The following DGKA variants were observed in gnomAD, a reference collection of about 807,000 sequenced individuals.
The protein encoded by DGKA is diacylglycerol kinase alpha.
A neutral mutation model predicts 105.0 loss-of-function variants in DGKA; 35 were observed. The observed-to-expected ratio is 0.33, with a 90% confidence interval of 0.25 to 0.44. The LOEUF (loss-of-function observed/expected upper bound fraction) is 0.44, where lower values mean the gene tolerates loss of function less well. DGKA is among the 20% of genes least tolerant of loss of function. DGKA has a pLI of 1.00. For missense variants in DGKA, 665 were observed against 915.0 expected (o/e 0.73, Z 3.53); for synonymous variants, 296 against 332.0 (o/e 0.89, Z 1.18).
intron 1 of DGKA, among the ~76,000 whole-genome samples, chr12:55,935,085 GA>G (rs1884373753): frequency 6.6e-6 from 1 of 152,332 alleles, no homozygotes; most frequent in Admixed American, 6.5e-5. Flanking sequence ...ACTGCCTTAG[GA>G]AATCCAAGCT....
chr12:55,940,655 A>G lies in DGKA; in HGVS notation c.950A>G (p.His317Arg), dbSNP rs765249382. 5 of 1,596,738 alleles carry G rather than the reference A, an allele frequency of 3.1e-6. No homozygotes were observed. The highest frequency in any genetic ancestry group is 2.7e-5 in the African/African-American group (2 of 73,688). Residue 317 changes from histidine (H) to arginine (R), a missense_variant, in exon 12 of 24, where the codon CAT becomes CGT. Transcript: ENST00000331886. The surrounding 1 kb of genome is among the most constrained non-coding windows in gnomAD (Gnocchi z 4.3). ...IHDDCLQAVG[H>R]ECDCGLLRDH... Reference sequence around the variant, plus strand: ...GATGACTGCCTGCAAGCGGTGGGCCATGAGTGTGACTGTGGGCTGCTCCGG... The same window carrying G: ...GATGACTGCCTGCAAGCGGTGGGCCGTGAGTGTGACTGTGGGCTGCTCCGG...
chr12:55,946,448 C>T lies in DGKA; in HGVS notation c.1426+4185C>T, dbSNP rs754704895. On this transcript the variant is annotated intron_variant, in intron 17 of 23. Transcript: ENST00000331886. ...CTCAGCTCACTGCAACCTCTGCCTC[C>T]CAGGTTCAAGTGATTCTCCGGCCTC... Among the ~76,000 whole-genome samples, 3 of 152,254 alleles carry T rather than the reference C, an allele frequency of 2.0e-5. No individual in the cohort carries two copies. In the South Asian group the frequency reaches 6.2e-4, roughly 32 times the overall value.
At position 55,936,582 on chromosome 12, in the gene DGKA, C is replaced by T. The variant is rs568619552; in HGVS notation, c.64+15C>T. The T allele has an allele frequency of 2.7e-5, 43 of 1,614,118 alleles. 1 individual carries two copies. Among genetic ancestry groups the T allele is most frequent in the Middle Eastern group, 3.3e-4 (2 of 6,062 alleles). ...ATACATGGAATGTGAGTCTTCCTGT[C>T]AGGCCTTCAGTTCTGGAGACCCTGC... On this transcript the variant is annotated intron_variant, in intron 2 of 23. Transcript: ENST00000331886.
chr12:55,927,405 C>T (rs746210988), upstream of DGKA: 2 of 713,212 alleles, frequency 2.8e-6, no homozygotes, highest in African/African-American at 3.5e-5. Context: ...CCAGGAACTC[C>T]TCGTACGTCC....
intron 6 of DGKA, 60 bp downstream of exon 6, chr12:55,938,620 C>T: frequency 6.2e-7 from 1 of 1,611,556 alleles, no homozygotes; most frequent in Non-Finnish European, 8.5e-7. Flanking sequence ...CTGCACCCTC[C>T]TGCCCCAACT....
At position 55,934,189 on chromosome 12, in the gene DGKA, G is replaced by A. The variant is rs1380143945; in HGVS notation, c.-81-2234G>A. 3.3e-5 allele frequency among the ~76,000 whole-genome samples: 5 copies of A among 152,202 alleles called. No homozygotes were observed. The East Asian group carries it at 7.7e-4, about 23-fold the overall frequency. On this transcript the variant is annotated intron_variant, in intron 1 of 23. Coordinates refer to ENST00000331886, the MANE Select transcript of DGKA (RefSeq NM_001345.5). Reference sequence around the variant, plus strand: ...AAAAAGAGAGGCAGAGAAGAAGCCTGTCCTCTCTCCTTTGCATTGTAACTT... The same window carrying A: ...AAAAAGAGAGGCAGAGAAGAAGCCTATCCTCTCTCCTTTGCATTGTAACTT...
intron 5 of DGKA, 83 bp downstream of exon 5, chr12:55,938,135 A>T (rs1192694841): frequency 1.5e-6 from 2 of 1,306,250 alleles, no homozygotes; most frequent in Non-Finnish European, 1.1e-6. Flanking sequence ...TTATTCCTTC[A>T]GGATTCCTAA....
chr12:55,937,705 G>C, intron 4 of DGKA, 162 bp downstream of exon 4: 1 of 1,013,544 alleles, frequency 9.9e-7, no homozygotes, highest in Non-Finnish European at 1.4e-6. Context: ...GAAAGGTAAA[G>C]GGGAAAGGTA....
intron 1 of DGKA, chr12:55,935,873 C>T: frequency 1.0e-6 from 1 of 986,146 alleles, no homozygotes; most frequent in Non-Finnish European, 1.2e-6. Flanking sequence ...GTGGGTGGCT[C>T]GGGGAGTGGG....
chr12:55,927,773 C>T (rs2136272325), upstream of DGKA: 1 of 1,538,322 alleles, frequency 6.5e-7, no homozygotes, highest in South Asian at 1.2e-5. Flanking sequence ...GCCGAAGAGG[C>T]AGCGGACCAG....
chr12:55,941,170 C>T, intron 13 of DGKA, 82 bp from the exon 14 acceptor site: 1 of 1,437,684 alleles, frequency 7.0e-7, no homozygotes, highest in Non-Finnish European at 9.5e-7. Flanking sequence ...GGAATGCTAG[C>T]CCTCTGCCCC....
rs761169450 is a variant in DGKA at position 55,952,736 on chromosome 12, C to G, written c.1746C>G (p.Ile582Met). ...KKLEESLTVE[I>M]CGKPLDLSNL... ...GGGACTGTGCCCCCTCCTCTCAGAT[C>G]TGTGGGAAACCGCTGGATCTGAGCA... Residue 582 changes from isoleucine to methionine, a missense_variant and splice_region_variant, in exon 21 of 24, where the codon ATC becomes ATG. Ile to Met is a conservative substitution (Grantham distance 10). This residue lies in a region of DGKA where 158 missense variants were observed against 213.4 expected (regional missense o/e 0.74). Coordinates refer to ENST00000331886, the MANE Select transcript of DGKA (RefSeq NM_001345.5). The surrounding 1 kb of genome is among the most constrained non-coding windows in gnomAD (Gnocchi z 5.1). 1 of 1,613,904 alleles carries G rather than the reference C, an allele frequency of 6.2e-7. No homozygotes were observed. Among genetic ancestry groups the G allele is most frequent in the African/African-American group, 1.3e-5 (1 of 74,916 alleles).
upstream of DGKA, chr12:55,927,592 G>T (rs1222357952): frequency 3.3e-6 from 4 of 1,207,756 alleles, no homozygotes; most frequent in African/African-American, 1.5e-5. Context: ...TCTAGGGACG[G>T]TTGGAGACCC....
chr12:55,934,054 C>A (rs184434208), intron 1 of DGKA, among the ~76,000 whole-genome samples: 3 of 152,158 alleles, frequency 2.0e-5, no homozygotes, highest in Non-Finnish European at 2.9e-5. Context: ...GGATTCTGAT[C>A]CTTGCCTGTC....
At chr12:55,938,369 G>C (rs1885189518) in intron 5 of DGKA, 142 bp from the exon 6 acceptor site, 6 of 1,036,738 alleles carry the variant, frequency 5.8e-6, no homozygotes, top group Non-Finnish European at 8.7e-6. Flanking sequence ...TTTCCTTTTT[G>C]TCTCTCTCTC....
chr12:55,946,872 G>A (rs1316156565), intron 17 of DGKA, among the ~76,000 whole-genome samples: 1 of 152,150 alleles, frequency 6.6e-6, no homozygotes, highest in Non-Finnish European at 1.5e-5. Context: ...TGCCAAAAAA[G>A]TTTCAGCAGG....
At position 55,953,773 on chromosome 12, in the gene DGKA, G is replaced by A. The variant is rs762536611; in HGVS notation, c.*5G>A. On this transcript the variant is annotated 3_prime_UTR_variant, in exon 24 of 24. Coordinates refer to ENST00000331886, the MANE Select transcript of DGKA (RefSeq NM_001345.5). ...TTCTTTGGCTTCTTGAGCTAAGGGG[G>A]ACACCCTTGGCCTCCAAGCCAGCCT... 2.5e-6 allele frequency: 4 copies of A among 1,613,910 alleles called. No individual in the cohort carries two copies. The highest frequency in any genetic ancestry group is 1.1e-5 in the South Asian group (1 of 91,072).
upstream of DGKA, chr12:55,927,600 C>T: frequency 7.9e-7 from 1 of 1,261,104 alleles, no homozygotes; most frequent in Non-Finnish European, 1.1e-6. Flanking sequence ...CGGTTGGAGA[C>T]CCTATCTAAC....
chr12:55,934,503 G>A (rs1009632261), intron 1 of DGKA, among the ~76,000 whole-genome samples: 3 of 152,156 alleles, frequency 2.0e-5, no homozygotes, highest in African/African-American at 7.2e-5. Context: ...ATAAAAGTAG[G>A]CAGCAGAGAT....
Sources: allele counts gnomAD v4.1 joint callset (sites outside exome capture counted in the v4.1 genomes callset), GRCh38; gene constraint gnomAD v4.1.1; regional missense constraint gnomAD v4.1.1; non-coding constraint Gnocchi (gnomAD v3.1); transcripts MANE v1.5; gene names NCBI Gene and HGNC (gene_info 2026-07-23, HGNC 2026-07-21).